CNTNAP5: variants seen among roughly 807,000 people sequenced by gnomAD.
The protein encoded by CNTNAP5 is contactin-associated protein-like 5.
Under a neutral mutation model 150.2 loss-of-function variants are expected in CNTNAP5, and 72 were observed. That is an observed-to-expected ratio of 0.48 (90% CI 0.40 to 0.58). The LOEUF (loss-of-function observed/expected upper bound fraction) is 0.58. Among genes scored for constraint, CNTNAP5 ranks in the 20% least tolerant of loss-of-function variants. The pLI is 0.00. For synonymous variants in CNTNAP5, 672 were observed against 619.8 expected (o/e 1.08, Z -1.25); for missense variants, 1,636 against 1,626.2 (o/e 1.01, Z -0.10).
At chr2:124,657,241 T>A (rs1253973448) in intron 13 of CNTNAP5, among the ~76,000 whole-genome samples, 1 of 152,220 alleles carries the variant, frequency 6.6e-6, no homozygotes, top group Non-Finnish European at 1.5e-5. Context: ...TACCTACTCC[T>A]GGTAGCACTG....
At chr2:124,824,334 A>G (rs982263209) in intron 19 of CNTNAP5, among the ~76,000 whole-genome samples, 1 of 152,148 alleles carries the variant, frequency 6.6e-6, no homozygotes. Context: ...TGTCAGAACC[A>G]GTTTGCTGCT....
At chr2:124,294,134 T>C (rs1340366238) in intron 3 of CNTNAP5, among the ~76,000 whole-genome samples, 2 of 102,110 alleles carry the variant, frequency 2.0e-5, no homozygotes, top group Admixed American at 2.1e-4. Flanking sequence ...TCTGATTGCA[T>C]TAAATTGCAC....
At chr2:124,435,085 C>T (rs747145831) in intron 5 of CNTNAP5, among the ~76,000 whole-genome samples, 8 of 152,030 alleles carry the variant, frequency 5.3e-5, no homozygotes, top group Non-Finnish European at 8.8e-5. Flanking sequence ...TTTGGTTGCT[C>T]CGGGTTATTT....
At chr2:124,064,133 G>A (rs547970321) in intron 1 of CNTNAP5, among the ~76,000 whole-genome samples, 1 of 152,044 alleles carries the variant, frequency 6.6e-6, no homozygotes. Flanking sequence ...TAGCGACTTC[G>A]AAGGCCTATT....
chr2:124,865,675 G>A (rs1677616351), intron 20 of CNTNAP5, among the ~76,000 whole-genome samples: 2 of 152,184 alleles, frequency 1.3e-5, no homozygotes, highest in South Asian at 2.1e-4. Context: ...GCCAAGTGTG[G>A]TGGCTCACAC....
Position 124,332,582 on chromosome 2 carries a change from T to C in CNTNAP5, c.382-84861T>C, listed in dbSNP as rs188963596. Among the ~76,000 whole-genome samples, 932 of 151,740 alleles carry C rather than the reference T, an allele frequency of 6.1e-3. 11 individuals are homozygous for C. The highest frequency in any genetic ancestry group is 0.02 in the African/African-American group (851 of 41,568). Reference sequence around the variant, plus strand: ...TAAGTAATGTTTTAATATTTCATCTTACTTGGAAATGACCTAGATATTCAA... The same window carrying C: ...TAAGTAATGTTTTAATATTTCATCTCACTTGGAAATGACCTAGATATTCAA... On this transcript the variant is annotated intron_variant, in intron 3 of 23. Coordinates refer to ENST00000682447, the MANE Select transcript of CNTNAP5 (RefSeq NM_001367498.1).
At chr2:124,272,857 G>C (rs1184136962) in intron 3 of CNTNAP5, among the ~76,000 whole-genome samples, 1 of 152,044 alleles carries the variant, frequency 6.6e-6, no homozygotes, top group African/African-American at 2.4e-5. Flanking sequence ...AGATTATTAG[G>C]TTCTGTTTGG....
chr2:124,173,912 G>C (rs900433013), intron 1 of CNTNAP5, among the ~76,000 whole-genome samples: 1 of 152,132 alleles, frequency 6.6e-6, no homozygotes, highest in Non-Finnish European at 1.5e-5. Flanking sequence ...GCTCTTTCTA[G>C]GGGTTCATGC....
At chr2:124,773,117 G>A in intron 17 of CNTNAP5, 100 bp downstream of exon 17, 1 of 849,270 alleles carries the variant, frequency 1.2e-6, no homozygotes, top group Non-Finnish European at 2.0e-6. Context: ...TCTGGGATAT[G>A]ATCAAAATGT....
rs1681687550 is a variant in CNTNAP5, at chr2:124,789,956, T to C, written c.2807T>C (p.Leu936Ser). 1.9e-6 allele frequency: 3 copies of C among 1,613,712 alleles called. No individual in the cohort carries two copies. The highest frequency in any genetic ancestry group is 1.7e-5 in the Admixed American group (1 of 59,988). The change falls in exon 18 of 24, where the codon TTG (leucine) becomes TCG (serine). Residue 936 changes from leucine (L) to serine (S), a missense_variant. Leu to Ser is a moderately radical substitution (Grantham distance 145). Coordinates refer to ENST00000682447, the MANE Select transcript of CNTNAP5 (RefSeq NM_001367498.1). ...GFLGCIRSLH[L>S]NGQKMDLEER... is the part of the protein sequence containing the mutation. Reference sequence around the variant, plus strand: ...CTAGGATGCATTCGCTCCTTACACTTGAATGGACAGAAAATGGACCTGGAA... The same window carrying C: ...CTAGGATGCATTCGCTCCTTACACTCGAATGGACAGAAAATGGACCTGGAA...
intron 3 of CNTNAP5, among the ~76,000 whole-genome samples, chr2:124,290,006 G>A (rs1467163781): frequency 6.6e-6 from 1 of 152,036 alleles, no homozygotes; most frequent in Non-Finnish European, 1.5e-5. Context: ...TTTAAAATGT[G>A]CATCTAAAAA....
chr2:124,414,703 ATGTG>A (rs1691872176), intron 3 of CNTNAP5, among the ~76,000 whole-genome samples: 1 of 149,316 alleles, frequency 6.7e-6, no homozygotes. Context: ...TTGTTTTAAG[ATGTG>A]TGTATGTGTG....
intron 1 of CNTNAP5, among the ~76,000 whole-genome samples, chr2:124,218,561 T>C (rs1486365198): frequency 6.6e-6 from 1 of 152,172 alleles, no homozygotes; most frequent in African/African-American, 2.4e-5. Context: ...AAAATCTTCC[T>C]TGGATCTTTC....
chr2:124,818,649 TC>T (rs1682420177), intron 19 of CNTNAP5, among the ~76,000 whole-genome samples: 1 of 152,066 alleles, frequency 6.6e-6, no homozygotes, highest in African/African-American at 2.4e-5. Context: ...TGCCATCTCC[TC>T]CCCCACTTTC....
chr2:124,261,395 T>C (rs1687451647), intron 3 of CNTNAP5, among the ~76,000 whole-genome samples: 1 of 152,174 alleles, frequency 6.6e-6, no homozygotes, highest in African/African-American at 2.4e-5. Context: ...TCGCACTTTA[T>C]TTTATAAGCT....
At chr2:124,215,363 C>T (rs921474416) in intron 1 of CNTNAP5, among the ~76,000 whole-genome samples, 1 of 152,062 alleles carries the variant, frequency 6.6e-6, no homozygotes, top group Non-Finnish European at 1.5e-5. Context: ...AAAAATGTTA[C>T]TCGAAGTAGA....
intron 13 of CNTNAP5, among the ~76,000 whole-genome samples, chr2:124,713,250 T>TTTCTTTC (rs1679853371): frequency 1.0e-5 from 1 of 97,942 alleles, no homozygotes; most frequent in Non-Finnish European, 2.3e-5. Flanking sequence ...TTTCTCTTTC[T>TTTCTTTC]TTCTTTCTTT....
chr2:124,735,326 G>A (rs576811843), intron 13 of CNTNAP5, among the ~76,000 whole-genome samples: 1 of 152,180 alleles, frequency 6.6e-6, no homozygotes, highest in African/African-American at 2.4e-5. Context: ...TACATGATTA[G>A]CCTATCACTC....
At chr2:124,376,114 A>G (rs1000548535) in intron 3 of CNTNAP5, among the ~76,000 whole-genome samples, 7 of 152,256 alleles carry the variant, frequency 4.6e-5, no homozygotes, top group African/African-American at 1.7e-4. Context: ...GAAGAAAAAC[A>G]TATTCTAAGA....
Sources: allele counts gnomAD v4.1 joint callset (sites outside exome capture counted in the v4.1 genomes callset), GRCh38; gene constraint gnomAD v4.1.1; transcripts MANE v1.5; gene names NCBI Gene and HGNC (gene_info 2026-07-23, HGNC 2026-07-21).